ZNF536: variants seen among roughly 807,000 people sequenced by gnomAD.
The protein encoded by ZNF536 is zinc finger protein 536.
ZNF536 carries 13 observed loss-of-function variants against 84.5 expected under a neutral mutation model. The observed-to-expected ratio is 0.15, with a 90% CI of 0.10 to 0.24. The LOEUF is 0.24. Ranked by LOEUF, ZNF536 falls within the 10% of genes least tolerant of loss-of-function variation. The pLI is 1.00. For synonymous variants in ZNF536, 811 were observed against 742.5 expected, an observed-to-expected ratio of 1.09 and a Z score of -1.50; for missense variants, 1,536 against 1,747.5, an observed-to-expected ratio of 0.88 and a Z score of 2.16.
intron 2 of ZNF536, among the ~76,000 whole-genome samples, chr19:30,491,771 ATGTGTGGGGACTCC>A: frequency 6.6e-6 from 1 of 152,122 alleles, no homozygotes. Flanking sequence ...CTTAAGTCAA[ATGTGTGGGGACTCC>A]TCTGTGGGTC....
intron 2 of ZNF536, among the ~76,000 whole-genome samples, chr19:30,490,021 A>G (rs576637068): frequency 6.6e-6 from 1 of 152,360 alleles, no homozygotes; most frequent in South Asian, 2.1e-4. Context: ...CTTCAAACCT[A>G]CATGCTTCCA....
chr19:30,246,606 C>T (rs1306970972), intron 1 of ZNF536, among the ~76,000 whole-genome samples: 2 of 152,180 alleles, frequency 1.3e-5, no homozygotes, highest in African/African-American at 4.8e-5. Context: ...GTCTGGCACT[C>T]GAGGGTGGGC....
At chr19:30,435,032 G>A (rs1452913018) in intron 1 of ZNF536, among the ~76,000 whole-genome samples, 1 of 151,848 alleles carries the variant, frequency 6.6e-6, no homozygotes, top group Non-Finnish European at 1.5e-5. Context: ...TGGTGATGAT[G>A]ATGGTGCTGG....
intron 1 of ZNF536, among the ~76,000 whole-genome samples, chr19:30,266,195 C>T (rs1483711323): frequency 6.6e-6 from 1 of 152,150 alleles, no homozygotes; most frequent in African/African-American, 2.4e-5. Context: ...ACTACAGCCA[C>T]GAGCCACCAT....
intron 3 of ZNF536, among the ~76,000 whole-genome samples, chr19:30,356,584 CATGAG>C (rs2146802612): frequency 6.6e-6 from 1 of 152,310 alleles, no homozygotes; most frequent in East Asian, 1.9e-4. Flanking sequence ...CGATCTTCAC[CATGAG>C]ATCTCTGGGC....
At chr19:30,695,753 G>C (rs2051630977) in intron 1 of ZNF536, among the ~76,000 whole-genome samples, 1 of 152,174 alleles carries the variant, frequency 6.6e-6, no homozygotes, top group Non-Finnish European at 1.5e-5. Flanking sequence ...CTTCTGCCTG[G>C]AGAGGTCTCA....
chr19:30,571,846 A>G (rs1568565475), intron 1 of ZNF536, among the ~76,000 whole-genome samples: 1 of 152,196 alleles, frequency 6.6e-6, no homozygotes, highest in Non-Finnish European at 1.5e-5. Context: ...ATCTTAGGCT[A>G]TCAGAGATAG....
At chr19:30,640,579 C>T in intron 1 of ZNF536, among the ~76,000 whole-genome samples, 1 of 152,180 alleles carries the variant, frequency 6.6e-6, no homozygotes, top group East Asian at 1.9e-4. Flanking sequence ...GAGTCAGGCC[C>T]AAGATCCTCC....
chr19:30,566,704 G>C (rs1277589410), intron 1 of ZNF536, among the ~76,000 whole-genome samples: 1 of 151,142 alleles, frequency 6.6e-6, no homozygotes, highest in East Asian at 2.0e-4. Flanking sequence ...CCTCTGGACA[G>C]TGGAGGTCCC....
intron 2 of ZNF536, among the ~76,000 whole-genome samples, chr19:30,522,024 C>A (rs771426623): frequency 9.9e-5 from 15 of 151,858 alleles, no homozygotes; most frequent in Non-Finnish European, 1.8e-4. Context: ...CATCACACTG[C>A]CAGGGACACG....
At chr19:30,303,030 C>A (rs892999397) in intron 2 of ZNF536, among the ~76,000 whole-genome samples, 4 of 152,208 alleles carry the variant, frequency 2.6e-5, no homozygotes, top group Admixed American at 2.6e-4. Context: ...AGAAAACCTT[C>A]ATAGACAGGG....
At chr19:30,580,551 G>T (rs1215379703) in intron 1 of ZNF536, among the ~76,000 whole-genome samples, 1 of 152,050 alleles carries the variant, frequency 6.6e-6, no homozygotes, top group Non-Finnish European at 1.5e-5. Flanking sequence ...TGCCAGGGAG[G>T]GTATGCTGTA....
intron 2 of ZNF536, among the ~76,000 whole-genome samples, chr19:30,453,183 C>T (rs2052687571): frequency 6.6e-6 from 1 of 152,146 alleles, no homozygotes; most frequent in South Asian, 2.1e-4. Flanking sequence ...CCCCCCACCC[C>T]CAAAAGGAAC....
chr19:30,240,211 A>G (rs1454887485), intron 1 of ZNF536, among the ~76,000 whole-genome samples: 2 of 151,986 alleles, frequency 1.3e-5, no homozygotes, highest in Non-Finnish European at 2.9e-5. Flanking sequence ...TGTACTAAAA[A>G]TACAAAAAAA....
At chr19:30,654,523 C>T (rs2147493282) in intron 1 of ZNF536, among the ~76,000 whole-genome samples, 1 of 152,112 alleles carries the variant, frequency 6.6e-6, no homozygotes, top group Admixed American at 6.5e-5. Flanking sequence ...AGCGAAAGAA[C>T]TGTGGAATGC....
intron 2 of ZNF536, among the ~76,000 whole-genome samples, chr19:30,295,464 C>A (rs998255983): frequency 6.6e-6 from 1 of 152,178 alleles, no homozygotes; most frequent in African/African-American, 2.4e-5. Context: ...TGGGCCCCAA[C>A]CCACATTTTC....
At chr19:30,623,542 G>C (rs966752734) in intron 1 of ZNF536, among the ~76,000 whole-genome samples, 3 of 152,216 alleles carry the variant, frequency 2.0e-5, no homozygotes, top group Non-Finnish European at 4.4e-5. Context: ...GTTGTGCTCA[G>C]GCCCAGCAGC....
chr19:30,262,303 G>A (rs561094751), intron 1 of ZNF536, among the ~76,000 whole-genome samples: 1 of 152,358 alleles, frequency 6.6e-6, no homozygotes, highest in African/African-American at 2.4e-5. Flanking sequence ...GGTGCAGGTG[G>A]GAAGGGACAG....
intron 1 of ZNF536, among the ~76,000 whole-genome samples, chr19:30,587,178 T>C (rs553725337): frequency 1.3e-5 from 2 of 152,350 alleles, no homozygotes; most frequent in Admixed American, 6.5e-5. Flanking sequence ...AGAAATCCAA[T>C]TGCAAAGATT....
Sources: allele counts gnomAD v4.1 joint callset (sites outside exome capture counted in the v4.1 genomes callset), GRCh38; gene constraint gnomAD v4.1.1; transcripts MANE v1.5; gene names NCBI Gene and HGNC (gene_info 2026-07-23, HGNC 2026-07-21).